The following ZNF33B variants were observed in gnomAD, a reference collection of about 807,000 sequenced individuals.
ZNF33B encodes the protein zinc finger protein 33B.
In ZNF33B, 29 loss-of-function variants were observed where a neutral mutation model predicts 45.8. The ratio of observed to expected loss-of-function variants is 0.63; its 90% CI spans 0.47 to 0.86. ZNF33B has a LOEUF of 0.86. Ranked by LOEUF, ZNF33B falls within the 40% of genes least tolerant of loss-of-function variation. ZNF33B has a pLI of 0.00. For missense variants in ZNF33B, 831 were observed against 909.9 expected, an observed-to-expected ratio of 0.91 and a Z score of 1.12; for synonymous variants, 305 against 307.8, an observed-to-expected ratio of 0.99 and a Z score of 0.10.
intron 1 of ZNF33B, among the ~76,000 whole-genome samples, chr10:42,581,140 TC>T (rs1219549414): frequency 6.6e-6 from 1 of 152,038 alleles, no homozygotes; most frequent in Non-Finnish European, 1.5e-5. Flanking sequence ...TATTTCCTTT[TC>T]TTTATGCACC....
At chr10:42,626,010 TATAG>T (rs1467363494) in intron 4 of ZNF33B, among the ~76,000 whole-genome samples, 2 of 152,286 alleles carry the variant, frequency 1.3e-5, no homozygotes, top group Non-Finnish European at 2.9e-5. Context: ...ATATATCTGC[TATAG>T]ATATTTTGTG....
At chr10:42,586,590 C>T (rs910591997), downstream of ZNF33B, among the ~76,000 whole-genome samples, 2 of 152,226 alleles carry the variant, frequency 1.3e-5, no homozygotes, top group Non-Finnish European at 2.9e-5. Flanking sequence ...ATAAATCTCT[C>T]TCCCAGCCCC....
At chr10:42,603,378 G>T (rs1295249203) in intron 4 of ZNF33B, among the ~76,000 whole-genome samples, 1 of 152,202 alleles carries the variant, frequency 6.6e-6, no homozygotes, top group African/African-American at 2.4e-5. Context: ...CAATTAAGAA[G>T]AGGGTAGCAG....
chr10:42,627,368 T>C (rs1838857864), intron 4 of ZNF33B, among the ~76,000 whole-genome samples: 1 of 152,234 alleles, frequency 6.6e-6, no homozygotes, highest in Non-Finnish European at 1.5e-5. Flanking sequence ...GTTAAATGGA[T>C]GGTGGAGTGA....
At chr10:42,624,291 T>G (rs564180578) in intron 4 of ZNF33B, among the ~76,000 whole-genome samples, 1 of 152,220 alleles carries the variant, frequency 6.6e-6, no homozygotes, top group South Asian at 2.1e-4. Context: ...TGGGGAGACA[T>G]GAACATACAG....
chr10:42,575,020 C>T (rs1342862621), intron 1 of ZNF33B, among the ~76,000 whole-genome samples: 1 of 152,122 alleles, frequency 6.6e-6, no homozygotes, highest in Non-Finnish European at 1.5e-5. Flanking sequence ...TATTACATGT[C>T]TCCCATAATG....
intron 4 of ZNF33B, among the ~76,000 whole-genome samples, chr10:42,612,233 A>ATTTTTTTTTTTTT (rs59259404): frequency 8.4e-6 from 1 of 119,342 alleles, no homozygotes; most frequent in African/African-American, 3.3e-5. Flanking sequence ...ACAGAAGTTG[A>ATTTTTTTTTTTTT]TTTTTTTTTT....
chr10:42,605,453 T>A (rs892273108), intron 4 of ZNF33B, among the ~76,000 whole-genome samples: 4 of 151,996 alleles, frequency 2.6e-5, no homozygotes, highest in Admixed American at 1.3e-4. Flanking sequence ...TGAAAAAAAA[T>A]TTTTGTTAAT....
At chr10:42,606,599 A>C (rs1837864319) in intron 4 of ZNF33B, among the ~76,000 whole-genome samples, 1 of 152,104 alleles carries the variant, frequency 6.6e-6, no homozygotes, top group Non-Finnish European at 1.5e-5. Flanking sequence ...CTACAAATAG[A>C]TACTTCCTAT....
At chr10:42,587,787 G>T (rs1836965915), downstream of ZNF33B, among the ~76,000 whole-genome samples, 1 of 152,164 alleles carries the variant, frequency 6.6e-6, no homozygotes, top group African/African-American at 2.4e-5. Flanking sequence ...CTGGTAATCT[G>T]GGGAGAACTG....
chr10:42,587,265 A>C (rs758084920), downstream of ZNF33B, among the ~76,000 whole-genome samples: 27 of 152,124 alleles, frequency 1.8e-4, no homozygotes, highest in Non-Finnish European at 3.2e-4. Flanking sequence ...AGTGGCGCCA[A>C]CTTGGCTCAC....
intron 2 of ZNF33B, 157 bp downstream of exon 2, chr10:42,636,763 G>A (rs1375156048): frequency 4.2e-6 from 4 of 942,648 alleles, no homozygotes; most frequent in African/African-American, 1.7e-5. Flanking sequence ...GAGGTTGCAA[G>A]GTTGCAGTGA....
At position 42,596,529 on chromosome 10, in the gene ZNF33B, A is replaced by G. The variant is rs190496574; in HGVS notation, c.251-1830T>C. ...ACTACATGGAATTATATTATTTTAA[A>G]TCTATAAGTCATTTTAATGACAAAA... On this transcript the variant is annotated intron_variant, in intron 4 of 4. Coordinates refer to ENST00000359467, the MANE Select transcript of ZNF33B (RefSeq NM_006955.3). Among the ~76,000 whole-genome samples, 233 of 152,314 alleles carry G rather than the reference A, an allele frequency of 1.5e-3. 2 individuals carry two copies. The highest frequency in any genetic ancestry group is 6.8e-3 in the Middle Eastern group (2 of 294).
intron 4 of ZNF33B, chr10:42,614,412 A>G (rs1838227892): frequency 6.5e-6 from 1 of 152,826 alleles, no homozygotes; most frequent in Non-Finnish European, 1.5e-5. Flanking sequence ...GGATCCTGGA[A>G]CAAAGAAGGA....
At position 42,592,687 on chromosome 10, in the gene ZNF33B, T is replaced by C. The variant is rs1463237610; in HGVS notation, c.2263A>G (p.Arg755Gly). Residue 755 changes from arginine (R) to glycine (G), a missense_variant, in exon 5 of 5, where the codon AGG (arginine) becomes GGG (glycine). Physicochemically the swap from Arg to Gly is moderately radical, Grantham distance 125. Transcript: ENST00000359467. ...TTTGACTTTTGAGAGAAGGTTTTCC[T>C]GCATGTGTTACATTCATAGGGCTTT... The part of the protein sequence containing the change: ...GEKPYECNTC[R>G]KTFSQKSNLI... 1 of 1,614,110 alleles carries C rather than the reference T, an allele frequency of 6.2e-7. No individual in the cohort carries two copies. Among genetic ancestry groups the C allele is most frequent in the Admixed American group, 1.7e-5 (1 of 60,022 alleles).
In ZNF33B at chr10:42,592,872, T is replaced by C. The variant is rs140512367; in HGVS notation, c.2078A>G (p.Tyr693Cys). Reference protein sequence around the residue: ...HERKHTGEKPYECNECGKSFS... With the variant: ...HERKHTGEKPCECNECGKSFS... ...GGATTTCCCACATTCATTGCATTCATAGGGTTTCTCCCCCGTGTGCTTTCT... is the reference window on the plus strand; with the variant it reads ...GGATTTCCCACATTCATTGCATTCACAGGGTTTCTCCCCCGTGTGCTTTCT... Residue 693 changes from tyrosine (Y) to cysteine (C), a missense_variant, in exon 5 of 5, where the codon TAT becomes TGT. By Grantham distance (194) the Tyr-to-Cys change is radical. Coordinates refer to ENST00000359467, the MANE Select transcript of ZNF33B (RefSeq NM_006955.3). 5.6e-6 allele frequency: 9 copies of C among 1,613,984 alleles called. No individual in the cohort carries two copies. Among genetic ancestry groups the C allele is most frequent in the African/African-American group, 2.7e-5 (2 of 74,908 alleles).
At chr10:42,578,991 ACACAGATCTT>A (rs1278152767) in intron 1 of ZNF33B, among the ~76,000 whole-genome samples, 1 of 152,198 alleles carries the variant, frequency 6.6e-6, no homozygotes, top group African/African-American at 2.4e-5. Flanking sequence ...CCAGTTTGCT[ACACAGATCTT>A]CAGTAATGCT....
intron 4 of ZNF33B, among the ~76,000 whole-genome samples, chr10:42,596,473 T>C (rs1474131167): frequency 6.6e-6 from 1 of 152,192 alleles, no homozygotes; most frequent in Non-Finnish European, 1.5e-5. Flanking sequence ...TAGAATTACA[T>C]ACTCAATTAC....
At chr10:42,613,448 T>C (rs1005026054) in intron 4 of ZNF33B, among the ~76,000 whole-genome samples, 2 of 151,258 alleles carry the variant, frequency 1.3e-5, no homozygotes, top group Admixed American at 6.6e-5. Flanking sequence ...CTTGGGAAGC[T>C]GAAGCAGGAG....
Sources: allele counts gnomAD v4.1 joint callset (sites outside exome capture counted in the v4.1 genomes callset), GRCh38; gene constraint gnomAD v4.1.1; transcripts MANE v1.5; gene names NCBI Gene and HGNC (gene_info 2026-07-23, HGNC 2026-07-21).